Variants in TBC1D2B observed in about 807,000 individuals in gnomAD.
The protein encoded by TBC1D2B is TBC1 domain family, member 2B.
In TBC1D2B, 64 loss-of-function variants were observed where a neutral mutation model predicts 100.8. That is an observed-to-expected ratio of 0.64 (90% CI 0.52 to 0.78). TBC1D2B has a LOEUF of 0.78. TBC1D2B is among the 30% of genes least tolerant of loss of function. The probability of loss-of-function intolerance (pLI) is 0.00; values close to 1 mark genes in which losing one functional copy is unlikely to be tolerated. For synonymous variants in TBC1D2B, 480 were observed against 479.7 expected, an observed-to-expected ratio of 1.00 and a Z score of -0.01; for missense variants, 1,052 against 1,218.4, an observed-to-expected ratio of 0.86 and a Z score of 2.03.
intron 3 of TBC1D2B, 73 bp from the exon 4 acceptor site, chr15:78,030,243 T>A: frequency 1.5e-6 from 2 of 1,300,744 alleles, no homozygotes; most frequent in Non-Finnish European, 2.1e-6. Context: ...GTATATAGGA[T>A]TGGCAAAAAT....
intron 9 of TBC1D2B, among the ~76,000 whole-genome samples, chr15:78,009,564 G>A (rs1016273887): frequency 6.6e-6 from 1 of 151,834 alleles, no homozygotes; most frequent in African/African-American, 2.4e-5. Flanking sequence ...AGGAGGGGGT[G>A]CATTTCCTAA....
intron 1 of TBC1D2B, among the ~76,000 whole-genome samples, chr15:78,073,030 G>C (rs555495308): frequency 6.6e-6 from 1 of 152,150 alleles, no homozygotes; most frequent in Non-Finnish European, 1.5e-5. Flanking sequence ...CGCCTTATCC[G>C]ATCCCCAACA....
At position 78,024,419 on chromosome 15, in the gene TBC1D2B, C is replaced by T. The variant is rs759507296; in HGVS notation, c.1207G>A (p.Asp403Asn). ...DTLELLHQKD[D>N]QILGLTSQLE... is the part of the protein sequence containing the mutation. The stretch of plus-strand genomic sequence containing the variant: ...TGGCTGGTAAGGCCCAGAATCTGAT[C>T]ATCCTTTTGGTGCAGAAGCTCGAGC... Residue 403 changes from aspartate (D) to asparagine (N), a missense_variant, in exon 6 of 13, where the codon GAT (aspartate) becomes AAT (asparagine). Coordinates refer to ENST00000300584, the MANE Select transcript of TBC1D2B (RefSeq NM_144572.2). 13 of 1,614,054 alleles carry T rather than the reference C, an allele frequency of 8.1e-6. No homozygotes were observed. The highest frequency in any genetic ancestry group is 1.1e-5 in the Non-Finnish European group (13 of 1,179,898).
chr15:78,020,553 TCA>T (rs1678542261), intron 6 of TBC1D2B, among the ~76,000 whole-genome samples: 1 of 152,166 alleles, frequency 6.6e-6, no homozygotes, highest in Non-Finnish European at 1.5e-5. Context: ...AAGCACTATT[TCA>T]CAGACAAATA....
chr15:78,077,348 G>T lies in TBC1D2B; in HGVS notation c.305C>A (p.Thr102Lys), dbSNP rs947829941. ...CACCTGGAAGTGCGCGGGCGGCTCC[G>T]TGCCCGGCTCCGCCGCCTCGTCGGG... ...QGPDEAAEPGTEPPAHFQVHS... is the reference protein window; with the variant it reads ...QGPDEAAEPGKEPPAHFQVHS... The change falls in exon 1 of 13, where the codon ACG (threonine) becomes AAG (lysine). Residue 102 changes from threonine (T) to lysine (K), a missense_variant. This residue lies in a region of TBC1D2B where 627 missense variants were observed against 646.1 expected (regional missense o/e 0.97). Coordinates refer to ENST00000300584, the MANE Select transcript of TBC1D2B (RefSeq NM_144572.2). The T allele has an allele frequency of 6.5e-6, 10 of 1,538,386 alleles. No homozygotes were observed. The African/African-American group carries it at 1.4e-4, about 22-fold the overall frequency.
chr15:77,999,134 C>G, intron 12 of TBC1D2B: 1 of 362,612 alleles, frequency 2.8e-6, no homozygotes. Flanking sequence ...CCTTCTTCCC[C>G]TCTCTGGATT....
intron 12 of TBC1D2B, chr15:77,999,246 G>T (rs1208522163): frequency 1.1e-5 from 5 of 451,706 alleles, no homozygotes; most frequent in South Asian, 1.6e-5. Flanking sequence ...AAGCTGTGAT[G>T]AAACAGAAAT....
At chr15:78,073,968 CA>C (rs1026520627) in intron 1 of TBC1D2B, among the ~76,000 whole-genome samples, 115 of 138,286 alleles carry the variant, frequency 8.3e-4, no homozygotes, top group Admixed American at 9.3e-4. Context: ...GACTCTGTTT[CA>C]AAAAAAAAAA....
chr15:78,004,181 C>T (rs2071999949), intron 10 of TBC1D2B, among the ~76,000 whole-genome samples: 1 of 152,210 alleles, frequency 6.6e-6, no homozygotes, highest in African/African-American at 2.4e-5. Flanking sequence ...TGGTTACTGC[C>T]ACTCTGTGTC....
At chr15:78,024,125 C>T (rs750354944) in intron 6 of TBC1D2B, 31 bp downstream of exon 6, 2 of 1,577,484 alleles carry the variant, frequency 1.3e-6, no homozygotes, top group Non-Finnish European at 1.7e-6. Context: ...GTCTCTCATG[C>T]CAATCACCAG....
chr15:78,024,044 T>A (rs1992470), intron 6 of TBC1D2B, 112 bp downstream of exon 6: 746,838 of 1,240,970 alleles, frequency 0.6, 195,951 homozygotes, highest in Admixed American at 0.64. Flanking sequence ...GGAAAAAAAA[T>A]AAGTGTGCAG....
chr15:78,018,062 G>A, intron 6 of TBC1D2B, 105 bp from the exon 7 acceptor site: 1 of 583,424 alleles, frequency 1.7e-6, no homozygotes, highest in Non-Finnish European at 2.9e-6. Context: ...AAATAGCCCT[G>A]CTAAGTTAGA....
chr15:78,072,294 A>T (rs888807320), intron 1 of TBC1D2B, among the ~76,000 whole-genome samples: 3 of 152,200 alleles, frequency 2.0e-5, no homozygotes, highest in African/African-American at 4.8e-5. Flanking sequence ...TGGGAGAGGG[A>T]GACGGAATGC....
At chr15:78,043,769 G>C (rs564989999) in intron 3 of TBC1D2B, among the ~76,000 whole-genome samples, 119 of 152,152 alleles carry the variant, frequency 7.8e-4, no homozygotes, top group Non-Finnish European at 8.7e-4. Flanking sequence ...AGTGGCTCAT[G>C]TAATCCCAGC....
chr15:78,031,556 A>AAAAAAAG (rs2072812771), intron 3 of TBC1D2B, among the ~76,000 whole-genome samples: 1 of 142,798 alleles, frequency 7.0e-6, no homozygotes, highest in Admixed American at 6.8e-5. Context: ...TCTGTCTCCA[A>AAAAAAAG]AAAAAAAAAA....
rs2072637264 is a variant in TBC1D2B, at chr15:78,025,423, T to C, written c.922A>G (p.Ile308Val). The C allele has an allele frequency of 6.2e-7, 1 of 1,613,988 alleles. No homozygotes were observed. Among genetic ancestry groups the C allele is most frequent in the Non-Finnish European group, 8.5e-7 (1 of 1,179,902 alleles). Residue 308 changes from isoleucine (I) to valine (V), a missense_variant, in exon 5 of 13, where the codon ATT becomes GTT. Ile to Val is a conservative substitution (Grantham distance 29). Coordinates refer to ENST00000300584, the MANE Select transcript of TBC1D2B (RefSeq NM_144572.2). ...YKGKRPLKDI[I>V]GSYKNRHSSG... is the part of the protein sequence containing the mutation. The stretch of plus-strand genomic sequence containing the variant: ...CTGTGACGATTTTTGTACGACCCAA[T>C]TATGTCTTTCAAAGGGCGCTTTCCT...
chr15:78,003,253 T>C, intron 11 of TBC1D2B, 52 bp downstream of exon 11: 1 of 1,555,780 alleles, frequency 6.4e-7, no homozygotes, highest in Non-Finnish European at 8.8e-7. Context: ...CCAACGCTGC[T>C]GACGGTTGTC....
rs576641407 is a variant in TBC1D2B at position 78,077,317 on chromosome 15, G to A, written c.336C>T (p.Ser112=). The change falls in exon 1 of 13, where the codon AGC becomes AGT. Residue 112 remains serine, a synonymous_variant. Transcript: ENST00000300584. ...TEPPAHFQVH[S]AGAVTVLKAP... ...CCTTGAGCACCGTGACGGCTCCCGC[G>A]CTGTGCACCTGGAAGTGCGCGGGCG... 1 of 1,532,068 alleles carries A rather than the reference G, an allele frequency of 6.5e-7. No homozygotes were observed. Among genetic ancestry groups the A allele is most frequent in the Non-Finnish European group, 8.8e-7 (1 of 1,140,716 alleles). 94.9% of individuals were successfully genotyped at this position (1,532,068 alleles called of 1,614,324 possible).
At chr15:78,032,663 A>G (rs1299730942) in intron 3 of TBC1D2B, among the ~76,000 whole-genome samples, 1 of 149,036 alleles carries the variant, frequency 6.7e-6, no homozygotes, top group Non-Finnish European at 1.5e-5. Context: ...AGAGACATAG[A>G]AAATTAAAAA....
Sources: gnomAD v4.1 joint callset for allele counts (sites outside exome capture counted in the v4.1 genomes callset) on GRCh38, gnomAD v4.1.1 for gene constraint, gnomAD v4.1.1 regional missense constraint, MANE v1.5 for transcripts, NCBI Gene and HGNC (gene_info 2026-07-23, HGNC 2026-07-21) for gene names.